The following DLG1 variants were observed in gnomAD, a reference collection of about 807,000 sequenced individuals.
The protein encoded by DLG1 is discs large MAGUK scaffold protein 1.
Under a neutral mutation model 123.4 loss-of-function variants are expected in DLG1, and 42 were observed. The observed-to-expected ratio is 0.34, with a 90% CI of 0.27 to 0.44. DLG1 has a LOEUF of 0.44. Among genes scored for constraint, DLG1 ranks in the 20% least tolerant of loss-of-function variants. The pLI is 1.00. For synonymous variants in DLG1, 317 were observed against 356.2 expected, an observed-to-expected ratio of 0.89 and a Z score of 1.24; for missense variants, 942 against 1,082.6, an observed-to-expected ratio of 0.87 and a Z score of 1.82.
At chr3:197,120,304 CGTT>C (rs1775650465) in intron 11 of DLG1, among the ~76,000 whole-genome samples, 1 of 146,830 alleles carries the variant, frequency 6.8e-6, no homozygotes, top group African/African-American at 2.5e-5. Context: ...AAAAACCAAA[CGTT>C]GGTTCACTTC....
chr3:197,296,897 A>T, intron 2 of DLG1: 1 of 429,274 alleles, frequency 2.3e-6, no homozygotes, highest in Non-Finnish European at 4.1e-6. Flanking sequence ...AGTGCTTAGT[A>T]AGAATGATAG....
At chr3:197,140,527 T>G (rs1409510351) in intron 7 of DLG1, among the ~76,000 whole-genome samples, 1 of 152,240 alleles carries the variant, frequency 6.6e-6, no homozygotes, top group African/African-American at 2.4e-5. Flanking sequence ...TTTAAAAGTA[T>G]GTGCAACTTG....
chr3:197,087,792 T>C (rs1159272508), intron 15 of DLG1, among the ~76,000 whole-genome samples: 2 of 152,062 alleles, frequency 1.3e-5, no homozygotes, highest in East Asian at 1.9e-4. Context: ...AGTACCAAGG[T>C]AGGCAGGGAT....
At position 197,104,898 on chromosome 3, in the gene DLG1, A is replaced by C. The variant is rs1318703381; in HGVS notation, c.1546+5T>G. ...AATAACTATAGACAATAAGAATGTTATTACCTTCAGGTCGATATTGTGCAA... is the reference window on the plus strand; with the variant it reads ...AATAACTATAGACAATAAGAATGTTCTTACCTTCAGGTCGATATTGTGCAA... On this transcript the variant is annotated splice_donor_5th_base_variant and intron_variant, in intron 14 of 24. Coordinates refer to ENST00000667157, the MANE Select transcript of DLG1 (RefSeq NM_001366207.1). The C allele has an allele frequency of 6.3e-7, 1 of 1,591,630 alleles. No homozygotes were observed. Among genetic ancestry groups the C allele is most frequent in the South Asian group, 1.1e-5 (1 of 89,978 alleles).
In DLG1 at chr3:197,142,111, G is replaced by A. The variant is rs971164876; in HGVS notation, c.588+607C>T. ...ATTAGTTTTTAATACAGCTCTGTCT[G>A]TTAGAAGTATGGTTATTTTGCTAGA... On this transcript the variant is annotated intron_variant, in intron 7 of 24. Transcript: ENST00000667157. Among the ~76,000 whole-genome samples the A allele has an allele frequency of 5.3e-5, 8 of 152,198 alleles. No individual in the cohort carries two copies. In the East Asian group the frequency reaches 1.5e-3, roughly 29 times the overall value.
chr3:197,206,749 GAAGGAC>G (rs1182124853), intron 4 of DLG1, among the ~76,000 whole-genome samples: 2 of 151,964 alleles, frequency 1.3e-5, no homozygotes, highest in Non-Finnish European at 2.9e-5. Context: ...AAAAAAATTA[GAAGGAC>G]AAGGATAAAA....
intron 2 of DLG1, 83 bp from the exon 3 acceptor site, chr3:197,296,560 C>T: frequency 1.5e-6 from 2 of 1,295,828 alleles, no homozygotes; most frequent in South Asian, 2.5e-5. Context: ...TTCTGCATGA[C>T]ATCTAAATAG....
intron 13 of DLG1, among the ~76,000 whole-genome samples, chr3:197,112,362 G>C (rs533988939): frequency 2.0e-5 from 3 of 152,148 alleles, no homozygotes; most frequent in Non-Finnish European, 4.4e-5. Context: ...ACTGCGGTTT[G>C]TGCACTTCTC....
intron 4 of DLG1, among the ~76,000 whole-genome samples, chr3:197,243,222 G>A (rs902836963): frequency 1.3e-5 from 2 of 152,118 alleles, no homozygotes; most frequent in African/African-American, 2.4e-5. Flanking sequence ...AAAAGAACCA[G>A]GAAATTCATT....
chr3:197,218,960 G>A (rs767697053), intron 4 of DLG1, among the ~76,000 whole-genome samples: 6 of 152,118 alleles, frequency 3.9e-5, no homozygotes, highest in East Asian at 3.9e-4. Flanking sequence ...GGAGAAACCC[G>A]TCTCTAGTAA....
rs768327685 is a variant in DLG1, at chr3:197,152,419, C to CTTTTTTTT, written c.484-2631_484-2624dup. Among the ~76,000 whole-genome samples the CTTTTTTTT allele has an allele frequency of 1.7e-4, 16 of 94,692 alleles. 1 individual carries two copies. Among genetic ancestry groups the CTTTTTTTT allele is most frequent in the African/African-American group, 1.8e-4 (4 of 22,672 alleles). 62.1% of individuals were successfully genotyped at this position (94,692 alleles called of 152,430 possible). A position where few individuals can be genotyped will look rare whatever the true frequency, so the allele number is the denominator to read the frequency against. ...CTGTCTTGGTTAAGGATCCCAAAGT[C>CTTTTTTTT]TTTTTTTTTTTTTTTTTTTTTGAGA... is the stretch of plus-strand genomic sequence containing the variant. On this transcript the variant is annotated intron_variant, in intron 5 of 24. Coordinates refer to ENST00000667157, the MANE Select transcript of DLG1 (RefSeq NM_001366207.1).
intron 15 of DLG1, among the ~76,000 whole-genome samples, chr3:197,090,445 A>C (rs1401114663): frequency 6.6e-6 from 1 of 152,120 alleles, no homozygotes; most frequent in Non-Finnish European, 1.5e-5. Context: ...TGCATGTAGA[A>C]ATTTTCCAAA....
At chr3:197,066,446 A>G (rs1037872038) in intron 20 of DLG1, among the ~76,000 whole-genome samples, 2 of 152,222 alleles carry the variant, frequency 1.3e-5, no homozygotes, top group African/African-American at 4.8e-5. Flanking sequence ...TTTGGAAGAT[A>G]GTGATGCTAA....
At chr3:197,284,049 C>T (rs1379682684) in intron 3 of DLG1, among the ~76,000 whole-genome samples, 1 of 151,862 alleles carries the variant, frequency 6.6e-6, no homozygotes, top group African/African-American at 2.4e-5. Context: ...TTAGTAGAGA[C>T]AGGGTTTCAC....
At chr3:197,275,011 T>C (rs772054831) in intron 4 of DLG1, among the ~76,000 whole-genome samples, 7 of 152,036 alleles carry the variant, frequency 4.6e-5, no homozygotes, top group Non-Finnish European at 8.8e-5. Flanking sequence ...AGTGAAACCC[T>C]GTGTCTACTA....
At chr3:197,109,505 T>A (rs1768583106) in intron 13 of DLG1, among the ~76,000 whole-genome samples, 1 of 152,264 alleles carries the variant, frequency 6.6e-6, no homozygotes, top group African/African-American at 2.4e-5. Flanking sequence ...CAGTTGTTTT[T>A]AAAATCAGGT....
intron 4 of DLG1, among the ~76,000 whole-genome samples, chr3:197,254,184 T>TAG (rs1212208559): frequency 6.6e-6 from 1 of 152,194 alleles, no homozygotes; most frequent in East Asian, 1.9e-4. Context: ...CCCCACACAT[T>TAG]AGATCGCCTT....
At chr3:197,239,092 T>C (rs1482416993) in intron 4 of DLG1, among the ~76,000 whole-genome samples, 3 of 151,974 alleles carry the variant, frequency 2.0e-5, no homozygotes, top group Admixed American at 1.3e-4. Context: ...CTATATGGAA[T>C]TAAGAGAGAA....
intron 9 of DLG1, among the ~76,000 whole-genome samples, chr3:197,137,642 G>A (rs1241258679): frequency 2.0e-5 from 3 of 152,116 alleles, no homozygotes; most frequent in Non-Finnish European, 4.4e-5. Context: ...TATGCTCACT[G>A]CAGTAAAATG....
Sources: allele counts gnomAD v4.1 joint callset (sites outside exome capture counted in the v4.1 genomes callset), GRCh38; gene constraint gnomAD v4.1.1; transcripts MANE v1.5; gene names NCBI Gene and HGNC (gene_info 2026-07-23, HGNC 2026-07-21).